TCF4: variants seen among roughly 807,000 people sequenced by gnomAD.
TCF4 encodes SL3-3 enhancer factor 2.
In TCF4, 3 loss-of-function variants were observed where a neutral mutation model predicts 82.1. The ratio of observed to expected loss-of-function variants is 0.04; its 90% CI spans 0.02 to 0.09. The LOEUF is 0.09. TCF4 is among the 10% of genes least tolerant of loss of function. The pLI, the probability that TCF4 is intolerant of heterozygous loss-of-function variation, is 1.00. For missense variants in TCF4, 518 were observed against 852.7 expected (o/e 0.61, Z 4.89); for synonymous variants, 276 against 309.6 (o/e 0.89, Z 1.14).
chr18:55,475,942 T>C (rs73479282), intron 3 of TCF4, among the ~76,000 whole-genome samples: 2 of 152,320 alleles, frequency 1.3e-5, no homozygotes, highest in Admixed American at 6.5e-5. Flanking sequence ...GAAGACAAGA[T>C]GGACTGATCC....
chr18:55,501,654 G>C (rs1454474383), intron 3 of TCF4, among the ~76,000 whole-genome samples: 1 of 151,812 alleles, frequency 6.6e-6, no homozygotes, highest in Non-Finnish European at 1.5e-5. Context: ...AATAAACTGA[G>C]GAAACAGTTA....
In TCF4 at chr18:55,540,313, CAAAA is replaced by C. The variant is rs545339874; in HGVS notation, c.145+44963_145+44966del. Among the ~76,000 whole-genome samples, 16 of 151,488 alleles carry C rather than the reference CAAAA, an allele frequency of 1.1e-4. 1 individual carries two copies. In the South Asian group the frequency reaches 2.7e-3, roughly 26 times the overall value. On this transcript the variant is annotated intron_variant, in intron 3 of 19. Coordinates refer to ENST00000354452, the MANE Select transcript of TCF4 (RefSeq NM_001083962.2). ...CCAAAACAAAGGGAATATCTCAAAA[CAAAA>C]AAAACAGAATATTGTTTTCACTAAT...
At chr18:55,599,828 A>G (rs2097694969) in intron 2 of TCF4, among the ~76,000 whole-genome samples, 1 of 152,206 alleles carries the variant, frequency 6.6e-6, no homozygotes, top group Non-Finnish European at 1.5e-5. Context: ...ACCCAGATCA[A>G]GATATGAAAC....
intron 6 of TCF4, among the ~76,000 whole-genome samples, chr18:55,358,940 T>C (rs536029584): frequency 7.9e-5 from 12 of 152,220 alleles, no homozygotes; most frequent in Non-Finnish European, 1.6e-4. Context: ...TCCTAGCACT[T>C]ACTGAGGCTT....
intron 2 of TCF4, among the ~76,000 whole-genome samples, chr18:55,616,645 A>G (rs1440053721): frequency 6.6e-6 from 1 of 152,036 alleles, no homozygotes; most frequent in African/African-American, 2.4e-5. Flanking sequence ...TTTTTTAATA[A>G]TTGCCATCCT....
chr18:55,438,595 C>T (rs1039130023), intron 5 of TCF4, among the ~76,000 whole-genome samples: 3 of 152,166 alleles, frequency 2.0e-5, no homozygotes, highest in Admixed American at 6.5e-5. Flanking sequence ...CAAGGGACCA[C>T]GGGAGTCTGT....
chr18:55,515,614 G>A (rs1192864922), intron 3 of TCF4, among the ~76,000 whole-genome samples: 4 of 152,152 alleles, frequency 2.6e-5, no homozygotes, highest in African/African-American at 7.2e-5. Flanking sequence ...AAAGTCCAAC[G>A]CTTCAAAGAG....
chr18:55,292,717 C>T (rs1950379175), intron 8 of TCF4, among the ~76,000 whole-genome samples: 1 of 132,020 alleles, frequency 7.6e-6, no homozygotes, highest in Non-Finnish European at 1.6e-5. Context: ...TGTGTGTATA[C>T]ACGTATATAC....
intron 5 of TCF4, among the ~76,000 whole-genome samples, chr18:55,404,643 A>C (rs1304047719): frequency 6.6e-6 from 1 of 152,226 alleles, no homozygotes; most frequent in Non-Finnish European, 1.5e-5. Flanking sequence ...ACTCAACACG[A>C]ATGCTAAAAG....
Position 55,442,112 on chromosome 18 carries a change from T to C in TCF4, c.304+18907A>G, listed in dbSNP as rs532572447. On this transcript the variant is annotated intron_variant, in intron 5 of 19. Coordinates refer to ENST00000354452, the MANE Select transcript of TCF4 (RefSeq NM_001083962.2). ...AATTAACAATGAACAATGTGCAAAA[T>C]AGTCCATTACAAGCTTACACTTTAA... Among the ~76,000 whole-genome samples the C allele has an allele frequency of 5.3e-5, 8 of 152,274 alleles. No homozygotes were observed. The South Asian group carries it at 8.3e-4, about 16-fold the overall frequency.
chr18:55,288,278 A>T (rs2064164576), intron 8 of TCF4, among the ~76,000 whole-genome samples: 1 of 152,200 alleles, frequency 6.6e-6, no homozygotes, highest in African/African-American at 2.4e-5. Context: ...ATTTTCAGAA[A>T]AGAAGTCATT....
intron 3 of TCF4, among the ~76,000 whole-genome samples, chr18:55,500,830 C>A (rs1186935613): frequency 1.3e-5 from 2 of 152,196 alleles, no homozygotes; most frequent in Non-Finnish European, 2.9e-5. Flanking sequence ...CCACTGGCTT[C>A]ATTATATCAC....
chr18:55,236,145 A>G (rs1442163207), intron 15 of TCF4, among the ~76,000 whole-genome samples: 1 of 152,082 alleles, frequency 6.6e-6, no homozygotes, highest in Non-Finnish European at 1.5e-5. Flanking sequence ...CACATAAATC[A>G]TATTAATTGT....
rs574476346 is a variant in TCF4, at chr18:55,234,324, T to C, written c.1486+224A>G. 1.2e-4 allele frequency: 79 copies of C among 636,560 alleles called. No individual in the cohort carries two copies. The East Asian group carries it at 1.3e-3, about 10-fold the overall frequency. The allele number at this position is 636,560 out of a possible 1,614,324, so 39.4% of individuals were successfully genotyped here. On this transcript the variant is annotated intron_variant, in intron 16 of 19. Transcript: ENST00000354452. ...TCTGTGGCCTCATTCCCTGCTGATA[T>C]AGGACCAGGATTTCAGAGGATGTTT...
chr18:55,300,930 G>A (rs1163074554), intron 8 of TCF4, among the ~76,000 whole-genome samples: 1 of 152,134 alleles, frequency 6.6e-6, no homozygotes, highest in Admixed American at 6.6e-5. Context: ...GGTCACTCTG[G>A]GTTAATACAA....
chr18:55,618,423 A>T (rs1310650329), intron 2 of TCF4, among the ~76,000 whole-genome samples: 1 of 151,912 alleles, frequency 6.6e-6, no homozygotes, highest in Non-Finnish European at 1.5e-5. Flanking sequence ...GATTTTTCTT[A>T]TCTCTTTGTA....
chr18:55,268,692 A>T (rs1184833001), intron 11 of TCF4: 3 of 152,134 alleles, frequency 2.0e-5, no homozygotes, highest in East Asian at 3.9e-4. Flanking sequence ...CTCCTCCAAC[A>T]TCAAAAACTT....
intron 4 of TCF4, among the ~76,000 whole-genome samples, chr18:55,462,744 G>A (rs1252499732): frequency 6.6e-6 from 1 of 152,178 alleles, no homozygotes; most frequent in Admixed American, 6.5e-5. Context: ...ATCTCCACTT[G>A]CTGTCAAGGG....
At chr18:55,351,041 AATTTTTTAC>A in intron 6 of TCF4, 38 bp from the exon 7 acceptor site, 1 of 1,612,336 alleles carries the variant, frequency 6.2e-7, no homozygotes, top group Non-Finnish European at 8.5e-7. Context: ...ATATAAGGTT[AATTTTTTAC>A]TTTCACCACC....
Sources: allele counts gnomAD v4.1 joint callset (sites outside exome capture counted in the v4.1 genomes callset), GRCh38; gene constraint gnomAD v4.1.1; transcripts MANE v1.5; gene names NCBI Gene and HGNC (gene_info 2026-07-23, HGNC 2026-07-21).